Variants in SUMF1 observed in about 807,000 individuals in gnomAD.
SUMF1 encodes sulfatase modifying factor 1.
SUMF1 carries 48 observed loss-of-function variants against 47.6 expected under a neutral mutation model. That is an observed-to-expected ratio of 1.01 (90% confidence interval 0.80 to 1.28). SUMF1 has a LOEUF of 1.28. SUMF1 is among the 50% of genes most tolerant of loss of function. The probability of loss-of-function intolerance (pLI) is 0.00; values close to 1 mark genes in which losing one functional copy is unlikely to be tolerated. For missense variants in SUMF1, 571 were observed against 485.4 expected (o/e 1.18, Z -1.66); for synonymous variants, 230 against 192.1 (o/e 1.20, Z -1.63).
At chr3:4,409,440 A>C (rs890935986) in intron 7 of SUMF1, among the ~76,000 whole-genome samples, 2 of 152,190 alleles carry the variant, frequency 1.3e-5, no homozygotes, top group Non-Finnish European at 2.9e-5. Context: ...GAAGAAACAC[A>C]AGTAGCTCTA....
chr3:4,304,185 A>G, intron 8 of SUMF1: 1 of 156,770 alleles, frequency 6.4e-6, no homozygotes, highest in Non-Finnish European at 1.4e-5. Context: ...TCTGTCGCCC[A>G]GGCTGGAGTG....
At chr3:4,067,567 C>T (rs1351252675) in intron 9 of SUMF1, among the ~76,000 whole-genome samples, 4 of 152,188 alleles carry the variant, frequency 2.6e-5, no homozygotes, top group Non-Finnish European at 5.9e-5. Context: ...ATAAGGCATT[C>T]TGTACAGGAG....
intron 7 of SUMF1, among the ~76,000 whole-genome samples, chr3:4,405,825 A>G (rs992902386): frequency 6.6e-6 from 1 of 152,196 alleles, no homozygotes; most frequent in African/African-American, 2.4e-5. Flanking sequence ...CTCTGGCTAA[A>G]ATGTGGTAAG....
intron 8 of SUMF1, among the ~76,000 whole-genome samples, chr3:4,131,698 A>G (rs1028733266): frequency 6.6e-6 from 1 of 152,180 alleles, no homozygotes; most frequent in African/African-American, 2.4e-5. Flanking sequence ...TTTGGGGAAG[A>G]GGTACGTGGA....
chr3:4,256,636 C>G (rs1017441832), intron 8 of SUMF1, among the ~76,000 whole-genome samples: 6 of 151,478 alleles, frequency 4.0e-5, no homozygotes, highest in African/African-American at 1.5e-4. Flanking sequence ...AGTTTACCAA[C>G]CAAATAGAGT....
intron 8 of SUMF1, among the ~76,000 whole-genome samples, chr3:4,292,643 G>A (rs1452343835): frequency 6.6e-6 from 1 of 152,160 alleles, no homozygotes; most frequent in East Asian, 1.9e-4. Context: ...CAGATGGCTG[G>A]ATTAAGTGCC....
chr3:4,174,356 CAAAAAA>C (rs547741138), intron 8 of SUMF1, among the ~76,000 whole-genome samples: 3 of 112,500 alleles, frequency 2.7e-5, no homozygotes, highest in Admixed American at 9.6e-5. Flanking sequence ...ACTCCGTCTC[CAAAAAA>C]AAAAAAAAAA....
At chr3:4,419,353 C>T (rs1232225862) in intron 4 of SUMF1, among the ~76,000 whole-genome samples, 1 of 152,200 alleles carries the variant, frequency 6.6e-6, no homozygotes, top group East Asian at 1.9e-4. Context: ...ATACTCGCAG[C>T]TCCCCGACAA....
At chr3:4,076,897 G>A (rs1380141735) in intron 8 of SUMF1, among the ~76,000 whole-genome samples, 10 of 151,988 alleles carry the variant, frequency 6.6e-5, no homozygotes, top group East Asian at 5.8e-4. Flanking sequence ...CCAGCTACTC[G>A]GGAGGCTGAG....
intron 8 of SUMF1, chr3:4,229,418 C>G (rs1696249283): frequency 6.0e-6 from 2 of 332,102 alleles, no homozygotes; most frequent in African/African-American, 4.5e-5. Flanking sequence ...CATGTCATTT[C>G]TCCTAAGACT....
chr3:4,123,861 G>A (rs910580984), intron 8 of SUMF1, among the ~76,000 whole-genome samples: 1 of 152,096 alleles, frequency 6.6e-6, no homozygotes, highest in African/African-American at 2.4e-5. Flanking sequence ...CAGAGAGAAA[G>A]GTTTAGCTAG....
chr3:4,350,351 GTGTATAAT>G (rs1484355586), intron 8 of SUMF1, among the ~76,000 whole-genome samples: 3,593 of 60,394 alleles, frequency 0.059, 56 homozygotes, highest in Admixed American at 0.079. Context: ...GTGTGTGTGT[GTGTATAAT>G]TGTGTGTGTA....
chr3:4,046,263 G>C (rs1220142648), intron 9 of SUMF1, among the ~76,000 whole-genome samples: 1 of 152,112 alleles, frequency 6.6e-6, no homozygotes, highest in East Asian at 1.9e-4. Context: ...ATGACTCTTA[G>C]GTTGAGAAGC....
chr3:4,093,828 G>A (rs1012176112), intron 8 of SUMF1, among the ~76,000 whole-genome samples: 2 of 151,998 alleles, frequency 1.3e-5, no homozygotes, highest in Non-Finnish European at 2.9e-5. Flanking sequence ...TTAATGAAGG[G>A]CCTTAAATGC....
chr3:4,380,750 G>C (rs115652345), intron 7 of SUMF1, among the ~76,000 whole-genome samples: 1 of 152,074 alleles, frequency 6.6e-6, no homozygotes, highest in Admixed American at 6.6e-5. Context: ...TTGCATGGTC[G>C]CAAGAACAGC....
At chr3:4,380,643 C>T (rs1015315992) in intron 7 of SUMF1, among the ~76,000 whole-genome samples, 1 of 152,154 alleles carries the variant, frequency 6.6e-6, no homozygotes, top group African/African-American at 2.4e-5. Flanking sequence ...CCGCCTACAA[C>T]CAGGCAGGAA....
intron 7 of SUMF1, among the ~76,000 whole-genome samples, chr3:4,390,574 G>T (rs1029333934): frequency 6.6e-6 from 1 of 152,048 alleles, no homozygotes; most frequent in African/African-American, 2.4e-5. Context: ...CCAAGTCAGG[G>T]ATATATGCAG....
intron 8 of SUMF1, among the ~76,000 whole-genome samples, chr3:4,327,469 TTGTC>T (rs144876767): frequency 0.027 from 4,173 of 152,214 alleles, 169 homozygotes; most frequent in African/African-American, 0.092. Flanking sequence ...AAAACAATAA[TTGTC>T]TGTGGATGAC....
chr3:4,303,827 G>T (rs889469897), intron 8 of SUMF1: 1 of 1,362,224 alleles, frequency 7.3e-7, no homozygotes, highest in African/African-American at 1.5e-5. Context: ...AGGCATCACG[G>T]GGGGAGTCAT....
Sources: allele counts gnomAD v4.1 joint callset (sites outside exome capture counted in the v4.1 genomes callset), GRCh38; gene constraint gnomAD v4.1.1; transcripts MANE v1.5; gene names NCBI Gene and HGNC (gene_info 2026-07-23, HGNC 2026-07-21).